Variants in WDR33 observed in about 807,000 individuals in gnomAD.
WDR33 encodes the protein WD repeat domain 33, also known as pre-mRNA 3' end processing protein WDR33.
A neutral mutation model predicts 164.9 loss-of-function variants in WDR33; 47 were observed. The observed-to-expected ratio is 0.29, with a 90% CI of 0.23 to 0.36. The LOEUF is 0.36. Among genes scored for constraint, WDR33 ranks in the 10% least tolerant of loss-of-function variants. The probability of loss-of-function intolerance (pLI) is 1.00; values close to 1 mark genes in which losing one functional copy is unlikely to be tolerated. For synonymous variants in WDR33, 505 were observed against 589.0 expected (o/e 0.86, Z 2.06); for missense variants, 1,137 against 1,754.1 (o/e 0.65, Z 6.28).
In WDR33 at chr2:127,702,640, G is replaced by C. The variant is rs1685923618; in HGVS notation, c.*3683C>G. On this transcript the variant is annotated 3_prime_UTR_variant, in exon 22 of 22. Coordinates refer to ENST00000322313, the MANE Select transcript of WDR33 (RefSeq NM_018383.5). ...TAAGACTTGGAAATTATTCTCTCCA[G>C]TGTCAGCGAATCCAGAAGGGTATCA... The C allele has an allele frequency of 6.0e-6, 1 of 167,144 alleles. No homozygotes were observed. The highest frequency in any genetic ancestry group is 6.5e-5 in the Admixed American group (1 of 15,292). 10.4% of individuals were successfully genotyped at this position (167,144 alleles called of 1,614,324 possible). A position where few individuals can be genotyped will look rare whatever the true frequency, so the allele number is the denominator to read the frequency against.
At chr2:127,754,363 T>C (rs1297509663) in intron 7 of WDR33, among the ~76,000 whole-genome samples, 1 of 152,138 alleles carries the variant, frequency 6.6e-6, no homozygotes, top group Non-Finnish European at 1.5e-5. Context: ...GCAAGCTAAA[T>C]GTGGCAAAAT....
intron 7 of WDR33, among the ~76,000 whole-genome samples, chr2:127,749,376 A>G (rs1437807283): frequency 2.0e-5 from 3 of 152,028 alleles, no homozygotes; most frequent in Non-Finnish European, 4.4e-5. Context: ...AAGAAACACC[A>G]TAAGGGCAGG....
intron 18 of WDR33, among the ~76,000 whole-genome samples, chr2:127,711,449 G>A (rs1427177172): frequency 1.6e-4 from 23 of 144,984 alleles, no homozygotes; most frequent in Non-Finnish European, 2.6e-4. Flanking sequence ...AAAAAGACAA[G>A]GTAAAATGTA....
intron 7 of WDR33, among the ~76,000 whole-genome samples, chr2:127,745,394 T>C (rs1377299767): frequency 2.0e-5 from 3 of 152,222 alleles, no homozygotes; most frequent in Non-Finnish European, 4.4e-5. Flanking sequence ...TGGTCTGTAC[T>C]TCTCATCTTC....
At chr2:127,769,209 T>A (rs1022454391) in intron 2 of WDR33, among the ~76,000 whole-genome samples, 1 of 152,126 alleles carries the variant, frequency 6.6e-6, no homozygotes, top group African/African-American at 2.4e-5. Context: ...AGAACTTCCC[T>A]CCTCGAGGTG....
At chr2:127,768,137 G>T in intron 4 of WDR33, 52 bp downstream of exon 4, 2 of 1,130,006 alleles carry the variant, frequency 1.8e-6, no homozygotes, top group Non-Finnish European at 2.4e-6. Flanking sequence ...AAATACATTT[G>T]CTATATAACG....
In WDR33 at chr2:127,717,020, G is replaced by C. The variant is rs1331972251; in HGVS notation, c.2869+135C>G. 2 of 871,446 alleles carry C rather than the reference G, an allele frequency of 2.3e-6. No individual in the cohort carries two copies. Among genetic ancestry groups the C allele is most frequent in the South Asian group, 1.6e-5 (1 of 64,334 alleles). 54.0% of individuals were successfully genotyped at this position (871,446 alleles called of 1,614,324 possible). A position where few individuals can be genotyped will look rare whatever the true frequency, so the allele number is the denominator to read the frequency against. On this transcript the variant is annotated intron_variant, in intron 17 of 21. Coordinates refer to ENST00000322313, the MANE Select transcript of WDR33 (RefSeq NM_018383.5). This position sits in a 1 kb window ranked among gnomAD's most constrained non-coding sequence, Gnocchi z 5.6. ...ACAACCAAAGACAAAGCTCCTACCTGAATGACCACACCCTTATTTTGCCCA... is the reference window on the plus strand; with the variant it reads ...ACAACCAAAGACAAAGCTCCTACCTCAATGACCACACCCTTATTTTGCCCA...
At chr2:127,779,453 G>A (rs772843622) in intron 1 of WDR33, among the ~76,000 whole-genome samples, 12 of 151,866 alleles carry the variant, frequency 7.9e-5, no homozygotes, top group Non-Finnish European at 1.2e-4. Context: ...GCAACAGGGC[G>A]AGACTCCGTT....
intron 1 of WDR33, among the ~76,000 whole-genome samples, chr2:127,773,420 A>G (rs908962479): frequency 7.2e-5 from 11 of 151,994 alleles, no homozygotes; most frequent in African/African-American, 2.2e-4. Context: ...TAATAACAAC[A>G]AGGAGGAGGA....
Position 127,714,907 on chromosome 2 carries a change from G to A in WDR33, c.2870-886C>T, listed in dbSNP as rs1317610906. Among the ~76,000 whole-genome samples the A allele has an allele frequency of 6.6e-6, 1 of 152,008 alleles. No individual in the cohort carries two copies. Among genetic ancestry groups the A allele is most frequent in the Non-Finnish European group, 1.5e-5 (1 of 68,016 alleles). The stretch of plus-strand genomic sequence containing the variant: ...ACTTTTTAAAAGTAGGTAGCGAAAG[G>A]ATACTCTTGATTCTAAAAACAAAAA... On this transcript the variant is annotated intron_variant, in intron 17 of 21. Transcript: ENST00000322313. The surrounding 1 kb of genome is among the most constrained non-coding windows in gnomAD (Gnocchi z 4.3).
At chr2:127,796,311 G>A (rs1689038788) in intron 1 of WDR33, among the ~76,000 whole-genome samples, 1 of 151,768 alleles carries the variant, frequency 6.6e-6, no homozygotes, top group Non-Finnish European at 1.5e-5. Context: ...TGGCCTCAAG[G>A]GATCTGCCCG....
intron 7 of WDR33, among the ~76,000 whole-genome samples, chr2:127,761,567 T>C (rs1263190466): frequency 2.0e-5 from 3 of 152,354 alleles, no homozygotes; most frequent in Non-Finnish European, 2.9e-5. Flanking sequence ...TTTAAAAACT[T>C]AGAAAATGTT....
chr2:127,795,865 G>C (rs1689020503), intron 1 of WDR33, among the ~76,000 whole-genome samples: 1 of 151,186 alleles, frequency 6.6e-6, no homozygotes, highest in Admixed American at 6.6e-5. Context: ...GAAACCTCCA[G>C]AAGTTAATGC....
rs367611838 is a variant in WDR33 at position 127,726,754 on chromosome 2, C to T, written c.748G>A (p.Val250Ile). ...LRGHGADVKC[V>I]DWHPTKGLVV... ...AACCCTTTGGTTGGATGCCAGTCTA[C>T]ACATTTCACATCAGCACCATGCCCT... The change falls in exon 8 of 22, where the codon GTA becomes ATA. Residue 250 changes from valine (V) to isoleucine (I), a missense_variant. Physicochemically the swap from Val to Ile is conservative, Grantham distance 29 (BLOSUM62 3). This residue lies in a region of WDR33 where 83 missense variants were observed against 189.2 expected (regional missense o/e 0.44). Coordinates refer to ENST00000322313, the MANE Select transcript of WDR33 (RefSeq NM_018383.5). The surrounding 1 kb of genome is among the most constrained non-coding windows in gnomAD (Gnocchi z 4.8). 3 of 1,614,208 alleles carry T rather than the reference C, an allele frequency of 1.9e-6. No homozygotes were observed. The highest frequency in any genetic ancestry group is 2.5e-6 in the Non-Finnish European group (3 of 1,180,022).
Position 127,706,703 on chromosome 2 carries a change from G to GCACA in WDR33, c.3782-152_3782-151insTGTG. The GCACA allele has an allele frequency of 1.4e-6, 1 of 701,768 alleles. No individual in the cohort carries two copies. Among genetic ancestry groups the GCACA allele is most frequent in the Non-Finnish European group, 2.3e-6 (1 of 442,148 alleles). 43.5% of individuals were successfully genotyped at this position (701,768 alleles called of 1,614,324 possible). ...TGGTATTCAGCGTACTGAGAGGTGT[G>GCACA]CCTCTACCCTTTCCTGACCCTGCCT... is the stretch of plus-strand genomic sequence containing the variant. On this transcript the variant is annotated intron_variant, in intron 21 of 21. Transcript: ENST00000322313. This position sits in a 1 kb window ranked among gnomAD's most constrained non-coding sequence, Gnocchi z 5.1.
intron 1 of WDR33, among the ~76,000 whole-genome samples, chr2:127,796,816 C>T (rs940839207): frequency 2.0e-5 from 3 of 152,076 alleles, no homozygotes; most frequent in Non-Finnish European, 4.4e-5. Flanking sequence ...TTTCAGTACA[C>T]ATTCTGGTTG....
intron 3 of WDR33, 152 bp from the exon 4 acceptor site, chr2:127,768,445 G>T: frequency 2.0e-6 from 1 of 502,484 alleles, no homozygotes; most frequent in Non-Finnish European, 3.5e-6. Context: ...ATTACAATTA[G>T]TCTATTAATT....
chr2:127,729,313 C>T (rs1476514625), intron 7 of WDR33, among the ~76,000 whole-genome samples: 2 of 152,310 alleles, frequency 1.3e-5, no homozygotes, highest in East Asian at 1.9e-4. Context: ...AGGGAGCTGG[C>T]CCCAGGGCCT....
In WDR33 at chr2:127,717,115, G is replaced by A; in HGVS notation, c.2869+40C>T. The A allele has an allele frequency of 6.5e-7, 1 of 1,538,100 alleles. No individual in the cohort carries two copies. Among genetic ancestry groups the A allele is most frequent in the Non-Finnish European group, 8.8e-7 (1 of 1,131,030 alleles). On this transcript the variant is annotated intron_variant, in intron 17 of 21. Coordinates refer to ENST00000322313, the MANE Select transcript of WDR33 (RefSeq NM_018383.5). This position sits in a 1 kb window ranked among gnomAD's most constrained non-coding sequence, Gnocchi z 5.6. ...TTCACTGTAAAATGTGCACAAAGGT[G>A]GTAGAATATAATCTTTTATTCAGCT...
Sources: allele counts gnomAD v4.1 joint callset (sites outside exome capture counted in the v4.1 genomes callset), GRCh38; gene constraint gnomAD v4.1.1; regional missense constraint gnomAD v4.1.1; non-coding constraint Gnocchi (gnomAD v3.1); transcripts MANE v1.5; gene names NCBI Gene and HGNC (gene_info 2026-07-23, HGNC 2026-07-21).